GRIK2: variants seen among roughly 807,000 people sequenced by gnomAD.
The protein encoded by GRIK2 is glutamate receptor ionotropic, kainate 2.
A neutral mutation model predicts 100.3 loss-of-function variants in GRIK2; 32 were observed. That is an observed-to-expected ratio of 0.32 (90% CI 0.24 to 0.43). GRIK2 has a LOEUF of 0.43. Among genes scored for constraint, GRIK2 ranks in the 20% least tolerant of loss-of-function variants. The pLI is 1.00. For synonymous variants in GRIK2, 417 were observed against 389.4 expected (o/e 1.07, Z -0.83); for missense variants, 843 against 1,114.9 (o/e 0.76, Z 3.47).
intron 12 of GRIK2, among the ~76,000 whole-genome samples, chr6:101,891,928 C>T (rs1170029406): frequency 2.0e-5 from 3 of 152,064 alleles, no homozygotes; most frequent in Non-Finnish European, 4.4e-5. Context: ...TTTATGTGTT[C>T]AGAGAAATAA....
chr6:101,711,815 TC>T (rs141628573), intron 7 of GRIK2, among the ~76,000 whole-genome samples: 13,949 of 151,766 alleles, frequency 0.092, 741 homozygotes, highest in African/African-American at 0.13. Context: ...GGCACACAAA[TC>T]AGCTACAATT....
chr6:101,760,567 TATTTAA>T (rs1777502897), intron 7 of GRIK2, among the ~76,000 whole-genome samples: 2 of 97,818 alleles, frequency 2.0e-5, no homozygotes, highest in African/African-American at 9.6e-5. Flanking sequence ...TAATTAATTA[TATTTAA>T]TTAATTATAT....
intron 2 of GRIK2, among the ~76,000 whole-genome samples, chr6:101,418,164 G>C (rs898425837): frequency 3.9e-5 from 6 of 152,204 alleles, no homozygotes; most frequent in African/African-American, 1.4e-4. Context: ...ATTGCATGGT[G>C]TGTTAAGGCT....
intron 2 of GRIK2, among the ~76,000 whole-genome samples, chr6:101,525,558 C>T (rs899956095): frequency 1.3e-5 from 2 of 152,138 alleles, no homozygotes; most frequent in African/African-American, 4.8e-5. Flanking sequence ...ACAATTCTCT[C>T]CTTATTTTCA....
At chr6:102,018,568 A>G (rs1769252200) in intron 14 of GRIK2, among the ~76,000 whole-genome samples, 1 of 152,076 alleles carries the variant, frequency 6.6e-6, no homozygotes, top group African/African-American at 2.4e-5. Context: ...TTATCAGCTT[A>G]GGATTTTCCA....
At chr6:101,546,474 C>A (rs1776239158) in intron 2 of GRIK2, among the ~76,000 whole-genome samples, 1 of 152,222 alleles carries the variant, frequency 6.6e-6, no homozygotes, top group South Asian at 2.1e-4. Context: ...GGCATTGTAG[C>A]AAAGCAGTTA....
Position 102,068,544 on chromosome 6 carries a change from TC to T in GRIK2, c.*34del. The T allele has an allele frequency of 1.3e-6, 2 of 1,592,752 alleles. No homozygotes were observed. Among genetic ancestry groups the T allele is most frequent in the African/African-American group, 2.7e-5 (2 of 73,862 alleles). On this transcript the variant is annotated 3_prime_UTR_variant, in exon 17 of 17. Coordinates refer to ENST00000369134, the MANE Select transcript of GRIK2 (RefSeq NM_021956.5). Reference sequence around the variant, plus strand: ...AGGCCAAACACCCAAGCACAAACTGTCGTCTTTTTCCAAACAATTTAGCCAG... The same window carrying T: ...AGGCCAAACACCCAAGCACAAACTGTGTCTTTTTCCAAACAATTTAGCCAG...
chr6:101,520,805 A>T (rs150965372), intron 2 of GRIK2, among the ~76,000 whole-genome samples: 331 of 152,264 alleles, frequency 2.2e-3, no homozygotes, highest in Middle Eastern at 6.8e-3. Flanking sequence ...GGCACATGAC[A>T]TGATTGCAGT....
At chr6:101,437,690 A>G (rs1483711157) in intron 2 of GRIK2, among the ~76,000 whole-genome samples, 1 of 152,110 alleles carries the variant, frequency 6.6e-6, no homozygotes, top group African/African-American at 2.4e-5. Flanking sequence ...TATTTTCCCA[A>G]AGTGACCATC....
intron 11 of GRIK2, among the ~76,000 whole-genome samples, chr6:101,873,773 T>C (rs1785601989): frequency 6.6e-6 from 1 of 152,086 alleles, no homozygotes; most frequent in South Asian, 2.1e-4. Flanking sequence ...TCCTGACTTT[T>C]TAATGATCAC....
At chr6:101,601,426 T>C (rs1779208305) in intron 2 of GRIK2, among the ~76,000 whole-genome samples, 1 of 151,906 alleles carries the variant, frequency 6.6e-6, no homozygotes, top group Non-Finnish European at 1.5e-5. Flanking sequence ...TAGGTTTTGG[T>C]AGCAGAATGA....
chr6:102,023,685 G>A (rs1307581656), intron 14 of GRIK2, among the ~76,000 whole-genome samples: 20 of 151,478 alleles, frequency 1.3e-4, no homozygotes, highest in Non-Finnish European at 2.8e-4. Context: ...GGGCAGGGTT[G>A]AACATGTGCT....
intron 2 of GRIK2, among the ~76,000 whole-genome samples, chr6:101,498,695 G>A (rs1422679961): frequency 9.2e-5 from 14 of 151,730 alleles, no homozygotes; most frequent in South Asian, 2.1e-4. Context: ...CATATCCTTT[G>A]CCCACTTTTT....
intron 2 of GRIK2, among the ~76,000 whole-genome samples, chr6:101,523,498 G>C (rs1774989156): frequency 6.6e-6 from 1 of 152,084 alleles, no homozygotes; most frequent in South Asian, 2.1e-4. Flanking sequence ...CTTAAAGCTA[G>C]GAATATCCAG....
intron 7 of GRIK2, among the ~76,000 whole-genome samples, chr6:101,702,763 G>A (rs1452946889): frequency 6.6e-6 from 1 of 151,744 alleles, no homozygotes; most frequent in Non-Finnish European, 1.5e-5. Context: ...TATATGTGGA[G>A]TAAGTCCTAA....
chr6:101,863,390 T>C (rs1038542832), intron 11 of GRIK2, among the ~76,000 whole-genome samples: 3 of 152,204 alleles, frequency 2.0e-5, no homozygotes, highest in African/African-American at 4.8e-5. Context: ...CTGTTTAATG[T>C]CCATCCCCAG....
intron 2 of GRIK2, among the ~76,000 whole-genome samples, chr6:101,462,379 G>A (rs1303180651): frequency 1.3e-5 from 2 of 152,110 alleles, no homozygotes; most frequent in Non-Finnish European, 2.9e-5. Context: ...TCAGGAGAAG[G>A]TTGAATTCAC....
intron 10 of GRIK2, among the ~76,000 whole-genome samples, chr6:101,823,210 A>G (rs988135577): frequency 4.6e-5 from 7 of 151,896 alleles, no homozygotes; most frequent in African/African-American, 1.7e-4. Context: ...AGCTCACTTC[A>G]TTTTTTCTCT....
chr6:101,524,805 C>T (rs941832716), intron 2 of GRIK2, among the ~76,000 whole-genome samples: 12 of 150,284 alleles, frequency 8.0e-5, no homozygotes, highest in African/African-American at 2.2e-4. Context: ...GATCTTGGCT[C>T]ACTGCAACTT....
Sources: gnomAD v4.1 joint callset for allele counts (sites outside exome capture counted in the v4.1 genomes callset) on GRCh38, gnomAD v4.1.1 for gene constraint, MANE v1.5 for transcripts, NCBI Gene and HGNC (gene_info 2026-07-23, HGNC 2026-07-21) for gene names.